KDM4C: variants seen among roughly 807,000 people sequenced by gnomAD.
KDM4C encodes the protein lysine-specific demethylase 4C.
KDM4C carries 81 observed loss-of-function variants against 129.3 expected under a neutral mutation model. The ratio of observed to expected loss-of-function variants is 0.63; its 90% CI spans 0.52 to 0.75. The LOEUF is 0.75. Ranked by LOEUF, KDM4C falls within the 30% of genes least tolerant of loss-of-function variation. The pLI is 0.00. For synonymous variants in KDM4C, 573 were observed against 456.1 expected, an observed-to-expected ratio of 1.26 and a Z score of -3.26; for missense variants, 1,457 against 1,304.0, an observed-to-expected ratio of 1.12 and a Z score of -1.81.
At chr9:6,885,027 A>G (rs1845043618) in intron 6 of KDM4C, among the ~76,000 whole-genome samples, 1 of 152,266 alleles carries the variant, frequency 6.6e-6, no homozygotes, top group African/African-American at 2.4e-5. Flanking sequence ...TAAAATCTAC[A>G]GTAAAATTCA....
At chr9:6,951,605 G>A (rs1331789591) in intron 8 of KDM4C, among the ~76,000 whole-genome samples, 2 of 152,160 alleles carry the variant, frequency 1.3e-5, no homozygotes, top group South Asian at 2.1e-4. Context: ...CATTTAAGCC[G>A]AGTGTTAAAC....
At chr9:7,091,329 A>G (rs1010301504) in intron 17 of KDM4C, among the ~76,000 whole-genome samples, 8 of 152,204 alleles carry the variant, frequency 5.3e-5, no homozygotes, top group Admixed American at 1.3e-4. Context: ...AAGAAAAAAA[A>G]AAAGATTTCG....
intron 7 of KDM4C, among the ~76,000 whole-genome samples, chr9:6,889,656 T>C (rs957952049): frequency 6.6e-6 from 1 of 152,186 alleles, no homozygotes; most frequent in African/African-American, 2.4e-5. Flanking sequence ...TGGCATCAGC[T>C]TCATTAGGTA....
At chr9:6,968,370 G>A (rs565221342) in intron 8 of KDM4C, among the ~76,000 whole-genome samples, 1 of 152,202 alleles carries the variant, frequency 6.6e-6, no homozygotes, top group South Asian at 2.1e-4. Context: ...TTGAGGAAAG[G>A]AGACCAAGAT....
rs531011453 is a variant in KDM4C, at chr9:6,946,279, A to G, written c.922-34646A>G. Among the ~76,000 whole-genome samples the G allele has an allele frequency of 3.1e-3, 470 of 152,254 alleles. 1 individual carries two copies. Among genetic ancestry groups the G allele is most frequent in the African/African-American group, 0.011 (446 of 41,580 alleles). ...GGGGTTCTGCTAATATATCAATACC[A>G]TATTTTAATTTTATTTTTTATTAAT... On this transcript the variant is annotated intron_variant, in intron 8 of 21. Coordinates refer to ENST00000381309, the MANE Select transcript of KDM4C (RefSeq NM_015061.6).
upstream of KDM4C, chr9:6,757,922 C>G (rs1815826653): frequency 3.0e-6 from 3 of 985,286 alleles, no homozygotes; most frequent in South Asian, 9.4e-5. Context: ...CGTGACTCAC[C>G]AAGTGCGGGC....
In KDM4C at chr9:6,926,707, CG is replaced by C. The variant is rs1427370144; in HGVS notation, c.921+33477del. On this transcript the variant is annotated intron_variant, in intron 8 of 21. Transcript: ENST00000381309. Reference sequence around the variant, plus strand: ...TTATCACAGCTATGGTTTAGAGAAACGGACATTCAGAAATCCAGCAACATTG... The same window carrying C: ...TTATCACAGCTATGGTTTAGAGAAACGACATTCAGAAATCCAGCAACATTG... Among the ~76,000 whole-genome samples, 6 of 152,126 alleles carry C rather than the reference CG, an allele frequency of 3.9e-5. No individual in the cohort carries two copies. The East Asian group carries it at 1.2e-3, about 29-fold the overall frequency.
At chr9:6,756,905 T>C (rs1818326288), upstream of KDM4C, among the ~76,000 whole-genome samples, 1 of 152,184 alleles carries the variant, frequency 6.6e-6, no homozygotes. Context: ...AATTCTGTTA[T>C]CAGTATAATG....
intron 8 of KDM4C, among the ~76,000 whole-genome samples, chr9:6,968,921 C>T (rs1831462582): frequency 6.6e-6 from 1 of 151,854 alleles, no homozygotes; most frequent in Non-Finnish European, 1.5e-5. Flanking sequence ...GAATATGTAA[C>T]TTCTGTTGGG....
intron 4 of KDM4C, among the ~76,000 whole-genome samples, chr9:6,818,454 G>T (rs1018572661): frequency 2.0e-5 from 3 of 152,236 alleles, no homozygotes; most frequent in African/African-American, 7.2e-5. Context: ...GCACATGTGT[G>T]ATAAAGGTGA....
chr9:7,044,868 A>G (rs1177708327), intron 15 of KDM4C, among the ~76,000 whole-genome samples: 1 of 151,950 alleles, frequency 6.6e-6, no homozygotes, highest in Non-Finnish European at 1.5e-5. Context: ...GAAGCCTGTT[A>G]AAGGAAACTG....
At chr9:6,815,617 C>T (rs1431127088) in intron 4 of KDM4C, among the ~76,000 whole-genome samples, 2 of 152,206 alleles carry the variant, frequency 1.3e-5, no homozygotes, top group Non-Finnish European at 2.9e-5. Flanking sequence ...GGTTAAGCAT[C>T]CTTCATCCAG....
At chr9:6,762,666 T>G (rs957074969) in intron 1 of KDM4C, among the ~76,000 whole-genome samples, 1 of 149,280 alleles carries the variant, frequency 6.7e-6, no homozygotes, top group Admixed American at 6.7e-5. Flanking sequence ...CATTGTCTTT[T>G]TTTTTTTTTA....
chr9:7,099,434 A>G (rs1278003542), intron 17 of KDM4C, among the ~76,000 whole-genome samples: 1 of 152,198 alleles, frequency 6.6e-6, no homozygotes, highest in Non-Finnish European at 1.5e-5. Flanking sequence ...ATGCCACTGG[A>G]ATAAGTATGG....
chr9:6,884,313 G>T (rs1205195052), intron 6 of KDM4C, among the ~76,000 whole-genome samples: 1 of 152,184 alleles, frequency 6.6e-6, no homozygotes, highest in East Asian at 1.9e-4. Flanking sequence ...GTGGGTAAAT[G>T]TTACTAGGTT....
rs144535271 is a variant in KDM4C, at chr9:7,064,257, T to A, written c.2424+15057T>A. On this transcript the variant is annotated intron_variant, in intron 17 of 21. Coordinates refer to ENST00000381309, the MANE Select transcript of KDM4C (RefSeq NM_015061.6). ...TTAGTATGAAAAAGGATGTAAAATA[T>A]CTCACTGATTATTTTTATATTGTCA... 1.6e-3 allele frequency among the ~76,000 whole-genome samples: 243 copies of A among 152,290 alleles called. 2 individuals are homozygous for A. The highest frequency in any genetic ancestry group is 4.8e-3 in the African/African-American group (199 of 41,558).
At chr9:7,143,309 C>G (rs780524765) in intron 19 of KDM4C, among the ~76,000 whole-genome samples, 1 of 152,218 alleles carries the variant, frequency 6.6e-6, no homozygotes, top group Non-Finnish European at 1.5e-5. Flanking sequence ...AAAGATATCA[C>G]AATTGAAATA....
At chr9:6,768,543 T>C (rs541251446) in intron 1 of KDM4C, among the ~76,000 whole-genome samples, 23 of 152,278 alleles carry the variant, frequency 1.5e-4, no homozygotes, top group Middle Eastern at 3.4e-3. Flanking sequence ...CACTGATACA[T>C]TACTATCATC....
chr9:6,801,698 T>C (rs1034449574), intron 2 of KDM4C, among the ~76,000 whole-genome samples: 6 of 152,072 alleles, frequency 3.9e-5, no homozygotes, highest in Non-Finnish European at 5.9e-5. Flanking sequence ...TCGAAGAGTA[T>C]TCTCCTTGGA....
Sources: allele counts gnomAD v4.1 joint callset (sites outside exome capture counted in the v4.1 genomes callset), GRCh38; gene constraint gnomAD v4.1.1; transcripts MANE v1.5; gene names NCBI Gene and HGNC (gene_info 2026-07-23, HGNC 2026-07-21).